Variants in MYO3B observed in about 807,000 individuals in gnomAD.
The protein encoded by MYO3B is myosin-IIIb.
MYO3B carries 156 observed loss-of-function variants against 174.6 expected under a neutral mutation model. That is an observed-to-expected ratio of 0.89 (90% CI 0.78 to 1.02). The LOEUF (loss-of-function observed/expected upper bound fraction) is 1.02, where lower values mean the gene tolerates loss of function less well. Ranked by LOEUF, MYO3B falls within the 50% of genes least tolerant of loss-of-function variation. MYO3B has a pLI of 0.00. For missense variants in MYO3B, 1,632 were observed against 1,639.4 expected (o/e 1.00, Z 0.08); for synonymous variants, 563 against 569.1 (o/e 0.99, Z 0.15).
intron 22 of MYO3B, among the ~76,000 whole-genome samples, chr2:170,410,223 T>G (rs2094536474): frequency 6.6e-6 from 1 of 152,200 alleles, no homozygotes; most frequent in South Asian, 2.1e-4. Flanking sequence ...TATGGTCAAT[T>G]ACTTTACAAA....
chr2:170,416,919 G>T (rs1006335810), intron 22 of MYO3B, among the ~76,000 whole-genome samples: 1 of 149,118 alleles, frequency 6.7e-6, no homozygotes, highest in Non-Finnish European at 1.5e-5. Flanking sequence ...TCTGCCTCCC[G>T]GGTTCAAGCA....
At chr2:170,392,300 AC>A in intron 15 of MYO3B, 80 bp from the exon 16 acceptor site, 1 of 995,946 alleles carries the variant, frequency 1.0e-6, no homozygotes. Flanking sequence ...CTTTAAACAA[AC>A]AACAAACAAA....
At chr2:170,629,527 C>T (rs1193820810) in intron 32 of MYO3B, among the ~76,000 whole-genome samples, 1 of 152,126 alleles carries the variant, frequency 6.6e-6, no homozygotes, top group Admixed American at 6.5e-5. Flanking sequence ...TATATCAGAA[C>T]TAAGGGTATA....
At chr2:170,400,363 C>T (rs369813873) in intron 17 of MYO3B, 49 bp downstream of exon 17, 36 of 1,533,296 alleles carry the variant, frequency 2.3e-5, no homozygotes, top group South Asian at 7.1e-5. Context: ...GCACGTGCTT[C>T]TTTAGGCTCT....
At chr2:170,439,621 A>T (rs1298208114) in intron 22 of MYO3B, among the ~76,000 whole-genome samples, 3 of 152,168 alleles carry the variant, frequency 2.0e-5, no homozygotes, top group African/African-American at 4.8e-5. Flanking sequence ...ATCCAAAAAA[A>T]TTGTTGCCAA....
intron 32 of MYO3B, among the ~76,000 whole-genome samples, chr2:170,579,650 C>G (rs905408750): frequency 1.3e-5 from 2 of 152,224 alleles, no homozygotes; most frequent in African/African-American, 4.8e-5. Flanking sequence ...CAGAAGTTGT[C>G]AGGGCCATTG....
At chr2:170,403,287 A>AC (rs2094490034) in intron 19 of MYO3B, among the ~76,000 whole-genome samples, 1 of 152,158 alleles carries the variant, frequency 6.6e-6, no homozygotes, top group Non-Finnish European at 1.5e-5. Context: ...ACTTTATTTA[A>AC]CTAAAAATAT....
chr2:170,570,848 A>G (rs1692393911), intron 32 of MYO3B, among the ~76,000 whole-genome samples: 1 of 152,076 alleles, frequency 6.6e-6, no homozygotes, highest in Admixed American at 6.5e-5. Flanking sequence ...TCTACAAACT[A>G]GCATTATCCC....
At chr2:170,424,608 CA>C (rs573414407) in intron 22 of MYO3B, among the ~76,000 whole-genome samples, 8 of 148,478 alleles carry the variant, frequency 5.4e-5, no homozygotes, top group Non-Finnish European at 8.9e-5. Flanking sequence ...GACTCCGCCT[CA>C]AAAAAAAAGA....
chr2:170,208,643 T>G (rs376600325), intron 3 of MYO3B, among the ~76,000 whole-genome samples: 1 of 152,194 alleles, frequency 6.6e-6, no homozygotes, highest in South Asian at 2.1e-4. Flanking sequence ...AGGCAAAAAC[T>G]TAAAAACAAC....
At chr2:170,561,096 C>T (rs1479216494) in intron 32 of MYO3B, among the ~76,000 whole-genome samples, 1 of 152,172 alleles carries the variant, frequency 6.6e-6, no homozygotes, top group Non-Finnish European at 1.5e-5. Context: ...ATTCTTTGCC[C>T]TAGACCCACA....
chr2:170,649,342 AT>A (rs1698796890), intron 32 of MYO3B, among the ~76,000 whole-genome samples: 1 of 50,818 alleles, frequency 2.0e-5, no homozygotes, highest in African/African-American at 9.7e-5. Flanking sequence ...TATATTATAT[AT>A]AAAATAATAT....
intron 7 of MYO3B, among the ~76,000 whole-genome samples, chr2:170,327,876 C>T (rs56387544): frequency 0.35 from 17,756 of 51,402 alleles, 2,015 homozygotes; most frequent in African/African-American, 0.44. Flanking sequence ...TATATATATA[C>T]ACTATATATA....
chr2:170,502,600 TGGGTGC>T (rs3066976), intron 28 of MYO3B, among the ~76,000 whole-genome samples: 140,104 of 151,874 alleles, frequency 0.92, 65,593 homozygotes, highest in Non-Finnish European at 1. Flanking sequence ...GTGTCCACTG[TGGGTGC>T]GGGTGCCAGG....
chr2:170,245,894 C>T (rs991036110), intron 7 of MYO3B, among the ~76,000 whole-genome samples: 30 of 152,090 alleles, frequency 2.0e-4, no homozygotes, highest in Admixed American at 1.5e-3. Context: ...CAAACCTGCA[C>T]GTTGTGCACA....
intron 1 of MYO3B, among the ~76,000 whole-genome samples, chr2:170,184,826 T>A (rs535209497): frequency 5.3e-5 from 8 of 152,316 alleles, no homozygotes; most frequent in Non-Finnish European, 1.0e-4. Context: ...AGTCTACTTT[T>A]CTCCACATTC....
intron 10 of MYO3B, chr2:170,382,843 A>C (rs970512417): frequency 2.7e-6 from 1 of 369,222 alleles, no homozygotes; most frequent in African/African-American, 2.1e-5. Flanking sequence ...GTCTTTTAGC[A>C]AGTCCTAAGT....
At position 170,479,633 on chromosome 2, in the gene MYO3B, T is replaced by A. The variant is rs546373118; in HGVS notation, c.3014+12922T>A. ...TCTATTATATATAAATATATAGGTT[T>A]TATATATACATATATATAACAGATG... On this transcript the variant is annotated intron_variant, in intron 25 of 34. Coordinates refer to ENST00000408978, the MANE Select transcript of MYO3B (RefSeq NM_138995.5). 1.3e-3 allele frequency among the ~76,000 whole-genome samples: 195 copies of A among 146,516 alleles called. 1 individual carries two copies. Among genetic ancestry groups the A allele is most frequent in the Non-Finnish European group, 2.1e-3 (141 of 66,990 alleles).
chr2:170,297,345 T>C (rs1234907962), intron 7 of MYO3B, among the ~76,000 whole-genome samples: 1 of 151,728 alleles, frequency 6.6e-6, no homozygotes, highest in Non-Finnish European at 1.5e-5. Context: ...CAGTTAAGGA[T>C]GTGTGGGTAT....
Sources: allele counts gnomAD v4.1 joint callset (sites outside exome capture counted in the v4.1 genomes callset), GRCh38; gene constraint gnomAD v4.1.1; transcripts MANE v1.5; gene names NCBI Gene and HGNC (gene_info 2026-07-23, HGNC 2026-07-21).